Variants in ROR1 observed in about 807,000 individuals in gnomAD.
ROR1 encodes ROR family WNT receptor 1, also known as inactive tyrosine-protein kinase transmembrane receptor ROR1.
Under a neutral mutation model 78.8 loss-of-function variants are expected in ROR1, and 19 were observed. That is an observed-to-expected ratio of 0.24 (90% CI 0.17 to 0.35). The LOEUF is 0.35. ROR1 is among the 10% of genes least tolerant of loss of function. The pLI, the probability that ROR1 is intolerant of heterozygous loss-of-function variation, is 1.00. For missense variants in ROR1, 917 were observed against 1,177.8 expected (o/e 0.78, Z 3.24); for synonymous variants, 386 against 433.6 (o/e 0.89, Z 1.36).
At chr1:63,809,911 A>C (rs1044853552) in intron 1 of ROR1, among the ~76,000 whole-genome samples, 1 of 152,202 alleles carries the variant, frequency 6.6e-6, no homozygotes, top group Non-Finnish European at 1.5e-5. Context: ...AGAAGCATGA[A>C]ATTCAATTCT....
intron 1 of ROR1, among the ~76,000 whole-genome samples, chr1:63,894,750 A>C (rs921023855): frequency 6.6e-6 from 1 of 152,212 alleles, no homozygotes; most frequent in Non-Finnish European, 1.5e-5. Context: ...GAGAAAGACG[A>C]AACTGGTAGT....
At chr1:63,888,327 A>G (rs79368635) in intron 1 of ROR1, among the ~76,000 whole-genome samples, 13 of 152,148 alleles carry the variant, frequency 8.5e-5, no homozygotes, top group Non-Finnish European at 1.3e-4. Flanking sequence ...GTTAAGACTG[A>G]TGCCCAGCTG....
chr1:64,142,859 A>G (rs1649364194), intron 7 of ROR1: 1 of 1,398,658 alleles, frequency 7.1e-7, no homozygotes, highest in Non-Finnish European at 9.3e-7. Flanking sequence ...AACTGCCTTT[A>G]TACCTGCAGC....
intron 4 of ROR1, chr1:64,105,274 T>C (rs1256180175): frequency 6.6e-6 from 1 of 152,236 alleles, no homozygotes; most frequent in East Asian, 1.9e-4. Flanking sequence ...GAAGTGTCTG[T>C]TCATATTTTT....
intron 1 of ROR1, among the ~76,000 whole-genome samples, chr1:63,882,062 A>G (rs1306846980): frequency 2.0e-5 from 3 of 152,152 alleles, no homozygotes; most frequent in African/African-American, 7.2e-5. Context: ...CTGCACATGG[A>G]GCAGAAAATA....
intron 4 of ROR1, among the ~76,000 whole-genome samples, chr1:64,120,587 A>G (rs989391223): frequency 1.3e-5 from 2 of 151,918 alleles, no homozygotes; most frequent in Admixed American, 1.3e-4. Flanking sequence ...AGCCCACCAC[A>G]TTCAAATGCT....
chr1:63,999,206 A>T (rs285377), intron 1 of ROR1, among the ~76,000 whole-genome samples: 1 of 152,110 alleles, frequency 6.6e-6, no homozygotes, highest in Non-Finnish European at 1.5e-5. Flanking sequence ...GGCTCCTTTG[A>T]GTATCCAAGT....
At chr1:63,861,558 T>G (rs1213528232) in intron 1 of ROR1, among the ~76,000 whole-genome samples, 1 of 152,172 alleles carries the variant, frequency 6.6e-6, no homozygotes, top group Non-Finnish European at 1.5e-5. Context: ...CTGTAGGAAA[T>G]ACCACTGCCA....
Position 64,178,766 on chromosome 1 carries a change from C to A in ROR1, c.2725C>A (p.Pro909Thr), listed in dbSNP as rs772658859. The A allele has an allele frequency of 2.5e-6, 4 of 1,613,926 alleles. No homozygotes were observed. The African/African-American group carries it at 5.3e-5, about 22-fold the overall frequency. ...ITVFGNKSQK[P>T]YKIDSKQASL... is the part of the protein sequence containing the mutation. ...CGTTTTTGGCAACAAATCTCAAAAA[C>A]CCTACAAAATTGACTCAAAGCAAGC... The change falls in exon 9 of 9, where the codon CCC becomes ACC. Residue 909 changes from proline to threonine, a missense_variant. Pro to Thr is a conservative substitution (Grantham distance 38, BLOSUM62 -1). Around this residue, in one of 3 missense-constraint regions of ROR1, gnomAD observed 835 missense variants for 1,069.8 expected, o/e 0.78. Coordinates refer to ENST00000371079, the MANE Select transcript of ROR1 (RefSeq NM_005012.4). The surrounding 1 kb of genome is among the most constrained non-coding windows in gnomAD (Gnocchi z 4.3).
At chr1:64,126,841 G>T in intron 4 of ROR1, among the ~76,000 whole-genome samples, 1 of 152,094 alleles carries the variant, frequency 6.6e-6, no homozygotes, top group East Asian at 1.9e-4. Flanking sequence ...TTGGATGGAG[G>T]GACCTTGAAT....
intron 1 of ROR1, among the ~76,000 whole-genome samples, chr1:63,995,975 G>T (rs750811914): frequency 3.3e-5 from 5 of 152,104 alleles, no homozygotes; most frequent in Non-Finnish European, 5.9e-5. Flanking sequence ...GGAATAAATT[G>T]TGGGCATTTT....
intron 1 of ROR1, chr1:63,788,966 C>A: frequency 1.5e-6 from 1 of 676,726 alleles, no homozygotes. Context: ...GATCAATCTT[C>A]TTAGATATGC....
intron 1 of ROR1, among the ~76,000 whole-genome samples, chr1:63,928,159 C>T (rs1312576590): frequency 1.3e-5 from 2 of 152,172 alleles, no homozygotes; most frequent in Admixed American, 6.5e-5. Flanking sequence ...ACTTGGCAAT[C>T]GCAAGCTCCA....
intron 4 of ROR1, among the ~76,000 whole-genome samples, chr1:64,083,716 C>T (rs1012148021): frequency 6.6e-6 from 1 of 151,870 alleles, no homozygotes. Flanking sequence ...TTTTCTGGAA[C>T]GTGGCAACAA....
chr1:63,958,639 A>C (rs1646003038), intron 1 of ROR1, among the ~76,000 whole-genome samples: 1 of 152,172 alleles, frequency 6.6e-6, no homozygotes, highest in Non-Finnish European at 1.5e-5. Flanking sequence ...AGAGGTCTGG[A>C]TGTAGGTGGC....
intron 1 of ROR1, among the ~76,000 whole-genome samples, chr1:63,991,303 A>C (rs1276476129): frequency 6.6e-6 from 1 of 152,202 alleles, no homozygotes; most frequent in African/African-American, 2.4e-5. Flanking sequence ...ATGGACATAC[A>C]TGAGCTTTAT....
chr1:63,923,956 G>C (rs1275089982), intron 1 of ROR1, among the ~76,000 whole-genome samples: 1 of 151,854 alleles, frequency 6.6e-6, no homozygotes, highest in Non-Finnish European at 1.5e-5. Context: ...CCCTTTGCCT[G>C]GAATGCTATT....
At chr1:64,029,490 G>A (rs1037125979) in intron 2 of ROR1, among the ~76,000 whole-genome samples, 1 of 152,160 alleles carries the variant, frequency 6.6e-6, no homozygotes, top group Non-Finnish European at 1.5e-5. Context: ...AGTACCACAT[G>A]CTGTGTGACT....
intron 4 of ROR1, among the ~76,000 whole-genome samples, chr1:64,058,483 T>C (rs1376559006): frequency 6.6e-6 from 1 of 152,074 alleles, no homozygotes; most frequent in Admixed American, 6.5e-5. Context: ...AGATGCCACT[T>C]ATTAGATTGA....
Sources: allele counts gnomAD v4.1 joint callset (sites outside exome capture counted in the v4.1 genomes callset), GRCh38; gene constraint gnomAD v4.1.1; regional missense constraint gnomAD v4.1.1; non-coding constraint Gnocchi (gnomAD v3.1); transcripts MANE v1.5; gene names NCBI Gene and HGNC (gene_info 2026-07-23, HGNC 2026-07-21).